The following ZC4H2 variants were observed in gnomAD, a reference collection of about 807,000 sequenced individuals.
ZC4H2 encodes the protein zinc finger C4H2-type containing.
For synonymous variants in ZC4H2, 84 were observed against 66.3 expected, an observed-to-expected ratio of 1.27 and a Z score of -1.30; for missense variants, 137 against 173.9, an observed-to-expected ratio of 0.79 and a Z score of 1.19.
At chrX:64,990,491 G>T (rs1408663288) in intron 1 of ZC4H2, among the ~76,000 whole-genome samples, 10 of 111,653 alleles carry the variant, frequency 9.0e-5, no homozygotes, top group African/African-American at 3.3e-4. Flanking sequence ...CTATAGTTCT[G>T]CAAGGGGTTA....
At chrX:65,011,649 C>G (rs1270047077) in intron 1 of ZC4H2, among the ~76,000 whole-genome samples, 2 of 110,920 alleles carry the variant, frequency 1.8e-5, no homozygotes, top group African/African-American at 6.6e-5. Context: ...GTGAGTCAAT[C>G]TGCAGTGACT....
chrX:64,951,342 T>C (rs1438622860), intron 1 of ZC4H2, among the ~76,000 whole-genome samples: 3 of 111,702 alleles, frequency 2.7e-5, no homozygotes, highest in African/African-American at 9.8e-5. Context: ...GGTCAAATGG[T>C]ATTTCTAGTT....
intron 1 of ZC4H2, among the ~76,000 whole-genome samples, chrX:64,928,799 CCTT>C (rs1182670847): frequency 1.6e-4 from 15 of 92,093 alleles, no homozygotes; most frequent in African/African-American, 3.7e-4. Context: ...TTTTTCTTCT[CCTT>C]CTTCTTCTCC....
At chrX:64,970,754 A>G (rs1255276002) in intron 1 of ZC4H2, among the ~76,000 whole-genome samples, 2 of 112,151 alleles carry the variant, frequency 1.8e-5, no homozygotes, top group Non-Finnish European at 3.8e-5. Context: ...GTGGCATTCT[A>G]GAACGAGGAA....
chrX:64,951,597 T>G (rs752271992), intron 1 of ZC4H2, among the ~76,000 whole-genome samples: 58 of 112,465 alleles, frequency 5.2e-4, no homozygotes, highest in African/African-American at 1.8e-3. Flanking sequence ...CATAAATGTC[T>G]TCTTTTGAGA....
At chrX:64,921,200 G>A (rs1160315037) in intron 2 of ZC4H2, among the ~76,000 whole-genome samples, 1 of 111,913 alleles carries the variant, frequency 8.9e-6, no homozygotes, top group Non-Finnish European at 1.9e-5. Context: ...CATGGTTATG[G>A]GTGATAAGGG....
chrX:64,922,341 A>C (rs1417021193), intron 1 of ZC4H2: 4 of 158,494 alleles, frequency 2.5e-5, no homozygotes, highest in Non-Finnish European at 4.6e-5. Context: ...ATGGTGGTAC[A>C]TGCCAGTAGT....
intron 1 of ZC4H2, among the ~76,000 whole-genome samples, chrX:64,957,687 C>A (rs1348680001): frequency 9.2e-6 from 1 of 108,731 alleles, no homozygotes; most frequent in Non-Finnish European, 1.9e-5. Flanking sequence ...TAGGAAGACC[C>A]TATCTCTATT....
intron 1 of ZC4H2, among the ~76,000 whole-genome samples, chrX:65,005,536 T>A (rs1333126530): frequency 9.2e-6 from 1 of 108,918 alleles, no homozygotes; most frequent in Non-Finnish European, 1.9e-5. Flanking sequence ...ACCCCTTCCT[T>A]ACACCTTATA....
At chrX:65,011,111 A>G (rs1397411165) in intron 1 of ZC4H2, among the ~76,000 whole-genome samples, 2 of 111,927 alleles carry the variant, frequency 1.8e-5, no homozygotes, top group East Asian at 5.6e-4. Flanking sequence ...TCAAACAAAC[A>G]AACAAAAAAA....
rs1398404129 is a variant in ZC4H2 at position 65,025,164 on chromosome X, TTTG to T, written c.-272+9462_-272+9464del. 5.0e-5 allele frequency among the ~76,000 whole-genome samples: 5 copies of T among 100,636 alleles called. No individual in the cohort carries two copies. In the Admixed American group the frequency reaches 5.3e-4, roughly 11 times the overall value. The allele number at this position is 100,636 out of a possible 115,157, so 87.4% of individuals were successfully genotyped here. On this transcript the variant is annotated intron_variant, in intron 1 of 4. Transcript: ENST00000337990. ...TTTTTGCTTTTTTTTTTTTTTTTTTTTTGAGTCACGGTCTCGCTCTGTCAACCA... is the reference window on the plus strand; with the variant it reads ...TTTTTGCTTTTTTTTTTTTTTTTTTTAGTCACGGTCTCGCTCTGTCAACCA...
chrX:64,965,151 A>G (rs958787084), intron 1 of ZC4H2, among the ~76,000 whole-genome samples: 1 of 112,094 alleles, frequency 8.9e-6, no homozygotes, highest in African/African-American at 3.2e-5. Flanking sequence ...AAATCCCAGT[A>G]TGGTTTTTGG....
chrX:65,001,281 G>A (rs959878799), intron 1 of ZC4H2, among the ~76,000 whole-genome samples: 1 of 111,474 alleles, frequency 9.0e-6, no homozygotes, highest in African/African-American at 3.3e-5. Flanking sequence ...GGTTATTGGG[G>A]GCCAATATCC....
At chrX:64,946,581 G>GCACACA (rs61275459) in intron 1 of ZC4H2, among the ~76,000 whole-genome samples, 1,137 of 95,882 alleles carry the variant, frequency 0.012, 26 homozygotes, top group African/African-American at 0.041. Context: ...TTAAATGCGT[G>GCACACA]CACACACACA....
rs1929013387 is a variant in ZC4H2, at chrX:64,918,029, C to T, written c.562-133G>A. On this transcript the variant is annotated intron_variant, in intron 4 of 4. Transcript: ENST00000374839. ...AAGAGAGCAATAATCAGTGAGTAGACTCAAGTATTCTTGGATGCCATGGAA... is the reference window on the plus strand; with the variant it reads ...AAGAGAGCAATAATCAGTGAGTAGATTCAAGTATTCTTGGATGCCATGGAA... 5 of 729,862 alleles carry T rather than the reference C, an allele frequency of 6.9e-6. No individual in the cohort carries two copies. In the African/African-American group the frequency reaches 8.6e-5, roughly 13 times the overall value. 60.1% of individuals were successfully genotyped at this position (729,862 alleles called of 1,213,427 possible).
At position 64,920,377 on chromosome X, in the gene ZC4H2, C is replaced by T. The variant is rs1929143604; in HGVS notation, c.226-124G>A. 8 of 675,631 alleles carry T rather than the reference C, an allele frequency of 1.2e-5. No homozygotes were observed. The South Asian group carries it at 2.7e-4, about 23-fold the overall frequency. 55.7% of individuals were successfully genotyped at this position (675,631 alleles called of 1,213,427 possible). A position where few individuals can be genotyped will look rare whatever the true frequency, so the allele number is the denominator to read the frequency against. On this transcript the variant is annotated intron_variant, in intron 2 of 4. Coordinates refer to ENST00000374839, the MANE Select transcript of ZC4H2 (RefSeq NM_018684.4). The stretch of plus-strand genomic sequence containing the variant: ...CAGTCTATATTCAAGTCCTTGATCT[C>T]CCATGCCCTCTCCATGTAACTCTGG...
rs781737947 is a variant in ZC4H2 at position 64,951,309 on chromosome X, T to C, written c.53+25016A>G. On this transcript the variant is annotated intron_variant, in intron 1 of 4. Coordinates refer to ENST00000374839, the MANE Select transcript of ZC4H2 (RefSeq NM_018684.4). ...AGCATGACTTATACTCCTTTGGGTA[T>C]ATACCCAGTAATGGGATGGCTGGGT... Among the ~76,000 whole-genome samples, 5 of 112,330 alleles carry C rather than the reference T, an allele frequency of 4.5e-5. No individual in the cohort carries two copies. The South Asian group carries it at 1.5e-3, about 33-fold the overall frequency.
chrX:65,018,213 T>C (rs1320865191), intron 1 of ZC4H2, among the ~76,000 whole-genome samples: 1 of 112,229 alleles, frequency 8.9e-6, no homozygotes, highest in East Asian at 2.8e-4. Context: ...CCAACAAACA[T>C]GAAAAAATGT....
At chrX:64,924,378 A>G (rs1482370397) in intron 1 of ZC4H2, among the ~76,000 whole-genome samples, 1 of 112,311 alleles carries the variant, frequency 8.9e-6, no homozygotes, top group Non-Finnish European at 1.9e-5. Flanking sequence ...TATTTATTGA[A>G]TACTTATCAT....
Sources: allele counts gnomAD v4.1 joint callset (sites outside exome capture counted in the v4.1 genomes callset), GRCh38; gene constraint gnomAD v4.1.1; transcripts MANE v1.5; gene names NCBI Gene and HGNC (gene_info 2026-07-23, HGNC 2026-07-21).